The following CAST variants were observed in gnomAD, a reference collection of about 807,000 sequenced individuals.
The protein encoded by CAST is calpastatin.
In CAST, 76 loss-of-function variants were observed where a neutral mutation model predicts 119.6. That is an observed-to-expected ratio of 0.64 (90% confidence interval 0.53 to 0.77). The LOEUF (loss-of-function observed/expected upper bound fraction) is 0.77. Among genes scored for constraint, CAST ranks in the 30% least tolerant of loss-of-function variants. The pLI is 0.00. For missense variants in CAST, 953 were observed against 946.5 expected (o/e 1.01, Z -0.09); for synonymous variants, 319 against 331.6 (o/e 0.96, Z 0.41).
At chr5:96,437,385 T>C in the CAST span, among the ~76,000 whole-genome samples, 1 of 152,360 alleles carries the variant, frequency 6.6e-6, no homozygotes, top group East Asian at 1.9e-4. Context: ...ATTTAGGTTC[T>C]TTCTTTAACA....
At chr5:96,569,389 T>A (rs535502241) in intron 1 of CAST, among the ~76,000 whole-genome samples, 1 of 152,264 alleles carries the variant, frequency 6.6e-6, no homozygotes, top group South Asian at 2.1e-4. Flanking sequence ...TAAACAGGAA[T>A]AATTTATATA....
chr5:96,119,711 T>G, the CAST span, among the ~76,000 whole-genome samples: 1 of 152,228 alleles, frequency 6.6e-6, no homozygotes, highest in Non-Finnish European at 1.5e-5. Context: ...GTCACAAGGT[T>G]ATTCATCTAT....
the CAST span, among the ~76,000 whole-genome samples, chr5:96,279,367 C>T: frequency 3.0e-4 from 46 of 152,300 alleles, no homozygotes; most frequent in African/African-American, 9.9e-4. Flanking sequence ...GCATCTCTAA[C>T]ACCTCACTTT....
the CAST span, among the ~76,000 whole-genome samples, chr5:96,360,332 T>G: frequency 2.6e-5 from 4 of 152,102 alleles, no homozygotes; most frequent in Non-Finnish European, 5.9e-5. Flanking sequence ...GAAGCCTACT[T>G]CTGTCAGTTT....
intron 1 of CAST, among the ~76,000 whole-genome samples, chr5:96,666,468 A>G (rs2150226171): frequency 6.6e-6 from 1 of 152,374 alleles, no homozygotes; most frequent in Non-Finnish European, 1.5e-5. Flanking sequence ...AGCATGATCA[A>G]GGAGCCCAGT....
chr5:96,449,755 A>G, the CAST span, among the ~76,000 whole-genome samples: 2 of 100,052 alleles, frequency 2.0e-5, no homozygotes, highest in African/African-American at 1.0e-4. Flanking sequence ...TCCTGGGAAC[A>G]TTTTCCACAG....
chr5:96,266,483 C>T, the CAST span, among the ~76,000 whole-genome samples: 5 of 152,122 alleles, frequency 3.3e-5, no homozygotes, highest in Non-Finnish European at 7.4e-5. Context: ...GTACCTGGAC[C>T]AAAGGAGACA....
At chr5:96,494,037 A>C in the CAST span, among the ~76,000 whole-genome samples, 2 of 152,294 alleles carry the variant, frequency 1.3e-5, no homozygotes, top group African/African-American at 4.8e-5. Flanking sequence ...CCGTCTCAAA[A>C]TAACTAACTA....
At chr5:96,489,124 C>G in the CAST span, among the ~76,000 whole-genome samples, 1 of 152,204 alleles carries the variant, frequency 6.6e-6, no homozygotes, top group African/African-American at 2.4e-5. Context: ...AGCACATGCT[C>G]AGCCATCCAG....
At chr5:96,300,205 CTGCTTTCTCTAGTATTTT>C in the CAST span, among the ~76,000 whole-genome samples, 33 of 152,170 alleles carry the variant, frequency 2.2e-4, no homozygotes, top group East Asian at 6.2e-3. Context: ...AGTTTCTTCC[CTGCTTTCTCTAGTATTTT>C]TATAGTTTCA....
chr5:96,284,494 G>C, the CAST span, among the ~76,000 whole-genome samples: 24 of 152,144 alleles, frequency 1.6e-4, no homozygotes, highest in Non-Finnish European at 3.2e-4. Flanking sequence ...CTATTTTGGG[G>C]CTCCCAGGGA....
At chr5:96,460,827 T>C in the CAST span, among the ~76,000 whole-genome samples, 1 of 152,278 alleles carries the variant, frequency 6.6e-6, no homozygotes, top group South Asian at 2.1e-4. Flanking sequence ...CTGTATAAAC[T>C]GCAAGTCCAT....
At chr5:96,703,069 T>G (rs544405071) in intron 3 of CAST, among the ~76,000 whole-genome samples, 3 of 152,200 alleles carry the variant, frequency 2.0e-5, no homozygotes, top group African/African-American at 7.2e-5. Flanking sequence ...ATCGCGACCC[T>G]GGCGATACCG....
chr5:96,541,955 C>A (rs1745921301), intron 1 of CAST, among the ~76,000 whole-genome samples: 1 of 152,152 alleles, frequency 6.6e-6, no homozygotes, highest in African/African-American at 2.4e-5. Flanking sequence ...GTGTAGACAG[C>A]TTTTAAATTC....
the CAST span, among the ~76,000 whole-genome samples, chr5:96,153,972 A>G: frequency 3.3e-5 from 5 of 152,196 alleles, no homozygotes; most frequent in Non-Finnish European, 7.3e-5. Context: ...GAAGTCATCA[A>G]TACATTAATA....
the CAST span, among the ~76,000 whole-genome samples, chr5:96,140,949 T>C: frequency 6.6e-6 from 1 of 152,208 alleles, no homozygotes; most frequent in Non-Finnish European, 1.5e-5. Context: ...TTTTTGATGT[T>C]AGAAATGTTA....
At chr5:96,619,693 A>G (rs1747556843) in intron 1 of CAST, among the ~76,000 whole-genome samples, 1 of 152,182 alleles carries the variant, frequency 6.6e-6, no homozygotes, top group Admixed American at 6.5e-5. Context: ...GCAACTCCGA[A>G]CGCATCCAAA....
chr5:96,491,276 G>C, the CAST span, among the ~76,000 whole-genome samples: 4 of 151,428 alleles, frequency 2.6e-5, no homozygotes, highest in Admixed American at 6.6e-5. Flanking sequence ...ACGAGGTCAG[G>C]AGATCGAGAC....
chr5:96,659,220 A>ATT (rs1748209589), upstream of CAST, among the ~76,000 whole-genome samples: 1 of 152,250 alleles, frequency 6.6e-6, no homozygotes, highest in Non-Finnish European at 1.5e-5. Flanking sequence ...AATTACCAAA[A>ATT]TGTGGGTAGA....
Sources: gnomAD v4.1 joint callset for allele counts (sites outside exome capture counted in the v4.1 genomes callset) on GRCh38, gnomAD v4.1.1 for gene constraint, MANE v1.5 for transcripts, NCBI Gene and HGNC (gene_info 2026-07-23, HGNC 2026-07-21) for gene names.